MAML2: variants seen among roughly 807,000 people sequenced by gnomAD.
MAML2 encodes the protein mastermind like transcriptional coactivator 2.
A neutral mutation model predicts 96.1 loss-of-function variants in MAML2; 22 were observed. That is an observed-to-expected ratio of 0.23 (90% CI 0.16 to 0.33). MAML2 has a LOEUF of 0.33. Ranked by LOEUF, MAML2 falls within the 10% of genes least tolerant of loss-of-function variation. The pLI is 1.00. For synonymous variants in MAML2, 561 were observed against 521.3 expected (o/e 1.08, Z -1.04); for missense variants, 1,367 against 1,392.4 (o/e 0.98, Z 0.29).
At chr11:96,168,335 GTAGA>G (rs1270096527) in intron 1 of MAML2, among the ~76,000 whole-genome samples, 1 of 152,096 alleles carries the variant, frequency 6.6e-6, no homozygotes, top group Non-Finnish European at 1.5e-5. Context: ...GACTGAATTA[GTAGA>G]TAGATATTAT....
At chr11:96,264,675 A>C (rs1862801717) in intron 1 of MAML2, among the ~76,000 whole-genome samples, 1 of 152,184 alleles carries the variant, frequency 6.6e-6, no homozygotes, top group Non-Finnish European at 1.5e-5. Context: ...TAAGCTAATA[A>C]CGGAGGGTCC....
intron 2 of MAML2, among the ~76,000 whole-genome samples, chr11:96,013,394 C>T (rs975921443): frequency 5.9e-5 from 9 of 152,218 alleles, no homozygotes; most frequent in African/African-American, 2.2e-4. Flanking sequence ...AAAATCCAAC[C>T]ACAAAGTGAT....
chr11:96,170,098 C>T (rs896457065), intron 1 of MAML2, among the ~76,000 whole-genome samples: 6 of 152,210 alleles, frequency 3.9e-5, no homozygotes, highest in Non-Finnish European at 8.8e-5. Flanking sequence ...AGAGAATGCA[C>T]AGCATCACAC....
chr11:96,167,377 A>C (rs546890936), intron 1 of MAML2, among the ~76,000 whole-genome samples: 3 of 152,052 alleles, frequency 2.0e-5, no homozygotes, highest in Admixed American at 6.6e-5. Flanking sequence ...CCTTCACACT[A>C]ATCCACTTTA....
intron 3 of MAML2, 66 bp from the exon 4 acceptor site, chr11:95,985,708 A>G (rs1178049901): frequency 9.6e-7 from 1 of 1,036,640 alleles, no homozygotes; most frequent in Non-Finnish European, 1.4e-6. Context: ...AAATACATGT[A>G]AAATTTTGTA....
intron 1 of MAML2, among the ~76,000 whole-genome samples, chr11:96,093,956 A>T (rs1031014322): frequency 6.6e-6 from 1 of 150,786 alleles, no homozygotes; most frequent in Non-Finnish European, 1.5e-5. Context: ...GAAAACACTC[A>T]CAAGTCTAAA....
intron 1 of MAML2, among the ~76,000 whole-genome samples, chr11:96,262,270 C>T (rs1276787788): frequency 6.6e-6 from 1 of 152,092 alleles, no homozygotes; most frequent in African/African-American, 2.4e-5. Flanking sequence ...TTTACTTCTC[C>T]AAATGTGCTG....
At chr11:96,278,686 G>A (rs930966943) in intron 1 of MAML2, among the ~76,000 whole-genome samples, 1 of 152,122 alleles carries the variant, frequency 6.6e-6, no homozygotes. Flanking sequence ...CTGGGCTAAG[G>A]GAACAGCACA....
At chr11:96,015,357 A>G (rs1281385979) in intron 2 of MAML2, among the ~76,000 whole-genome samples, 2 of 152,158 alleles carry the variant, frequency 1.3e-5, no homozygotes, top group African/African-American at 4.8e-5. Context: ...TTCCTCATCT[A>G]TAAAAGTAGT....
At chr11:96,217,385 C>G (rs1862066218) in intron 1 of MAML2, among the ~76,000 whole-genome samples, 2 of 152,238 alleles carry the variant, frequency 1.3e-5, no homozygotes, top group South Asian at 4.1e-4. Context: ...ACAGTTCACA[C>G]AGCACTAGAT....
At chr11:96,334,866 G>T (rs895594373) in intron 1 of MAML2, among the ~76,000 whole-genome samples, 2 of 152,174 alleles carry the variant, frequency 1.3e-5, no homozygotes, top group Non-Finnish European at 2.9e-5. Flanking sequence ...TCAGTAATTT[G>T]GCTATGGTAG....
intron 1 of MAML2, among the ~76,000 whole-genome samples, chr11:96,317,053 T>C (rs977612430): frequency 6.6e-6 from 1 of 152,196 alleles, no homozygotes; most frequent in Non-Finnish European, 1.5e-5. Flanking sequence ...CTGGTTTTAC[T>C]CGTCCTTCAG....
chr11:96,160,171 G>T (rs369669236), intron 1 of MAML2, among the ~76,000 whole-genome samples: 5 of 152,150 alleles, frequency 3.3e-5, no homozygotes, highest in East Asian at 3.9e-4. Context: ...AAGCCCTGGG[G>T]TGCTTATGTT....
At chr11:96,083,881 C>A (rs185539279) in intron 2 of MAML2, among the ~76,000 whole-genome samples, 101 of 152,188 alleles carry the variant, frequency 6.6e-4, no homozygotes, top group African/African-American at 2.4e-3. Context: ...AGAGAAGAAG[C>A]AGAGGGAGCT....
chr11:96,262,649 G>C (rs1388159769), intron 1 of MAML2, among the ~76,000 whole-genome samples: 2 of 151,844 alleles, frequency 1.3e-5, no homozygotes. Flanking sequence ...TTTTGTATTT[G>C]TAGTAGAGAT....
At chr11:95,996,295 T>C (rs1157805674) in intron 2 of MAML2, among the ~76,000 whole-genome samples, 1 of 152,132 alleles carries the variant, frequency 6.6e-6, no homozygotes, top group Admixed American at 6.6e-5. Context: ...AGCTCCAAAA[T>C]AACTTCCAGA....
chr11:96,342,775 TGAGA>T lies in MAML2; in HGVS notation c.-884_-881del, dbSNP rs1472759785. The T allele has an allele frequency of 3.2e-6, 1 of 313,764 alleles. No individual in the cohort carries two copies. Among genetic ancestry groups the T allele is most frequent in the Non-Finnish European group, 5.8e-6 (1 of 172,670 alleles). The allele number at this position is 313,764 out of a possible 1,614,324, so 19.4% of individuals were successfully genotyped here. ...AAAGCAATCTTAAGTCGCTAGCCAC[TGAGA>T]GAGATCCTTCAACACATTTTTTTCT... On this transcript the variant is annotated 5_prime_UTR_variant, in exon 1 of 5. Coordinates refer to ENST00000524717, the MANE Select transcript of MAML2 (RefSeq NM_032427.4).
chr11:96,090,788 A>C (rs563328891), intron 2 of MAML2, among the ~76,000 whole-genome samples: 1 of 152,290 alleles, frequency 6.6e-6, no homozygotes, highest in African/African-American at 2.4e-5. Context: ...ACTAGGGCAA[A>C]GGTTAGCTTG....
intron 2 of MAML2, among the ~76,000 whole-genome samples, chr11:96,088,216 G>A (rs757910592): frequency 6.6e-5 from 10 of 152,142 alleles, no homozygotes; most frequent in Non-Finnish European, 1.3e-4. Flanking sequence ...AGGAGGCAAT[G>A]TACAAATTTA....
Sources: gnomAD v4.1 joint callset for allele counts (sites outside exome capture counted in the v4.1 genomes callset) on GRCh38, gnomAD v4.1.1 for gene constraint, MANE v1.5 for transcripts, NCBI Gene and HGNC (gene_info 2026-07-23, HGNC 2026-07-21) for gene names.